CPQ: variants seen among roughly 807,000 people sequenced by gnomAD.
CPQ encodes the protein carboxypeptidase Q.
CPQ carries 37 observed loss-of-function variants against 45.7 expected under a neutral mutation model. The observed-to-expected ratio is 0.81, with a 90% CI of 0.62 to 1.07. CPQ has a LOEUF of 1.07. Ranked by LOEUF, CPQ falls within the 50% of genes least tolerant of loss-of-function variation. The pLI, the probability that CPQ is intolerant of heterozygous loss-of-function variation, is 0.00. For missense variants in CPQ, 537 were observed against 572.9 expected (o/e 0.94, Z 0.64); for synonymous variants, 186 against 205.8 (o/e 0.90, Z 0.82).
chr8:97,051,804 A>G (rs571450866), intron 6 of CPQ, among the ~76,000 whole-genome samples: 2 of 152,346 alleles, frequency 1.3e-5, no homozygotes, highest in South Asian at 4.1e-4. Context: ...ATCAAATGGC[A>G]TTGGCACTTG....
intron 4 of CPQ, among the ~76,000 whole-genome samples, chr8:96,928,970 A>G (rs1372708855): frequency 6.6e-6 from 1 of 152,200 alleles, no homozygotes; most frequent in East Asian, 1.9e-4. Flanking sequence ...ATTGTAAACT[A>G]TTTAAAACCT....
chr8:96,757,281 G>A (rs1382885180), intron 1 of CPQ, among the ~76,000 whole-genome samples: 2 of 151,462 alleles, frequency 1.3e-5, no homozygotes, highest in Non-Finnish European at 2.9e-5. Flanking sequence ...AACCTGGGAG[G>A]CAGAGGTTGC....
intron 6 of CPQ, among the ~76,000 whole-genome samples, chr8:97,040,793 A>T (rs1158577516): frequency 4.6e-5 from 7 of 152,208 alleles, no homozygotes; most frequent in African/African-American, 1.2e-4. Context: ...CAGATAGTTG[A>T]AGATACGTGG....
At chr8:96,761,198 A>G (rs1372042525) in intron 1 of CPQ, 1 of 152,194 alleles carries the variant, frequency 6.6e-6, no homozygotes, top group East Asian at 1.9e-4. Context: ...TTGAGCACAA[A>G]CGGCTGTGCT....
chr8:96,920,548 G>C (rs1457169801), intron 4 of CPQ, among the ~76,000 whole-genome samples: 1 of 152,024 alleles, frequency 6.6e-6, no homozygotes, highest in African/African-American at 2.4e-5. Context: ...TTATATTAAA[G>C]CTCATTTAAT....
chr8:96,703,232 AT>A (rs962398186), intron 1 of CPQ, among the ~76,000 whole-genome samples: 65 of 151,852 alleles, frequency 4.3e-4, no homozygotes, highest in African/African-American at 1.4e-3. Context: ...ACTTTGCCAT[AT>A]TTTTTTTGGC....
intron 5 of CPQ, among the ~76,000 whole-genome samples, chr8:97,019,463 A>G (rs997802579): frequency 4.6e-5 from 7 of 152,176 alleles, no homozygotes; most frequent in African/African-American, 1.7e-4. Flanking sequence ...TTCACCAACC[A>G]TCTGCTGCCT....
intron 1 of CPQ, among the ~76,000 whole-genome samples, chr8:96,777,569 G>A (rs766229644): frequency 6.6e-6 from 1 of 151,018 alleles, no homozygotes; most frequent in African/African-American, 2.4e-5. Flanking sequence ...TTACCTATAC[G>A]GTTATTCCCT....
chr8:97,043,944 A>G (rs1398484765), intron 6 of CPQ, among the ~76,000 whole-genome samples: 1 of 152,134 alleles, frequency 6.6e-6, no homozygotes, highest in Non-Finnish European at 1.5e-5. Flanking sequence ...ACTTTGGTGA[A>G]TTTGACAATT....
Position 97,130,441 on chromosome 8 carries a change from T to C in CPQ, c.1256-12579T>C, listed in dbSNP as rs140004571. On this transcript the variant is annotated intron_variant, in intron 7 of 7. Coordinates refer to ENST00000220763, the MANE Select transcript of CPQ (RefSeq NM_016134.4). ...AGCTGTTTTTTTTTTTTTTTTTTTT[T>C]TCCACAAAAATGTGTAAATTGCAGT... Among the ~76,000 whole-genome samples the C allele has an allele frequency of 5.3e-3, 442 of 83,280 alleles. 5 individuals are homozygous for C. The highest frequency in any genetic ancestry group is 0.011 in the Middle Eastern group (2 of 184). The allele number at this position is 83,280 out of a possible 152,430, so 54.6% of individuals were successfully genotyped here. A position where few individuals can be genotyped will look rare whatever the true frequency, so the allele number is the denominator to read the frequency against.
intron 4 of CPQ, among the ~76,000 whole-genome samples, chr8:96,946,079 C>T (rs527520767): frequency 2.6e-5 from 4 of 152,306 alleles, no homozygotes; most frequent in Admixed American, 2.6e-4. Flanking sequence ...TTCCAATTAA[C>T]TTTGTGAAAA....
At chr8:97,023,016 T>TATACATTATATATATACTATATAC in intron 5 of CPQ, among the ~76,000 whole-genome samples, 1 of 133,656 alleles carries the variant, frequency 7.5e-6, no homozygotes, top group Admixed American at 7.6e-5. Flanking sequence ...ATACTATATA[T>TATACATTATATATATACTATATAC]AGTATATATA....
intron 4 of CPQ, among the ~76,000 whole-genome samples, chr8:96,939,448 G>A (rs1379400725): frequency 1.3e-5 from 2 of 152,050 alleles, no homozygotes; most frequent in Admixed American, 6.6e-5. Flanking sequence ...CCCTCACCCC[G>A]CCAATGCTAG....
intron 4 of CPQ, among the ~76,000 whole-genome samples, chr8:96,941,415 T>G (rs890935020): frequency 6.6e-6 from 1 of 152,184 alleles, no homozygotes; most frequent in Non-Finnish European, 1.5e-5. Context: ...TTGTCCTGAC[T>G]GGCTTGCATG....
intron 4 of CPQ, among the ~76,000 whole-genome samples, chr8:96,929,312 G>A (rs1166509495): frequency 1.3e-5 from 2 of 152,190 alleles, no homozygotes; most frequent in Non-Finnish European, 2.9e-5. Context: ...GTGACCAATT[G>A]TATTGGTGAG....
intron 4 of CPQ, among the ~76,000 whole-genome samples, chr8:96,896,366 A>C (rs1812442920): frequency 6.6e-6 from 1 of 152,084 alleles, no homozygotes; most frequent in Non-Finnish European, 1.5e-5. Flanking sequence ...AATCTACAAG[A>C]TGATATACTG....
intron 1 of CPQ, among the ~76,000 whole-genome samples, chr8:96,771,028 T>A (rs1477299841): frequency 6.8e-6 from 1 of 148,062 alleles, no homozygotes; most frequent in Non-Finnish European, 1.5e-5. Context: ...AAGAGGAGGC[T>A]GGAGGCAGGG....
At chr8:96,691,465 G>A (rs1236160826) in intron 1 of CPQ, among the ~76,000 whole-genome samples, 3 of 151,952 alleles carry the variant, frequency 2.0e-5, no homozygotes, top group Non-Finnish European at 2.9e-5. Flanking sequence ...TATTTTGGGG[G>A]ACCATTACTC....
chr8:96,954,574 T>G (rs987347039), intron 4 of CPQ, among the ~76,000 whole-genome samples: 3 of 152,116 alleles, frequency 2.0e-5, no homozygotes, highest in Non-Finnish European at 4.4e-5. Flanking sequence ...GTTTTAAAAA[T>G]TACCTTGTCT....
Sources: gnomAD v4.1 joint callset for allele counts (sites outside exome capture counted in the v4.1 genomes callset) on GRCh38, gnomAD v4.1.1 for gene constraint, MANE v1.5 for transcripts, NCBI Gene and HGNC (gene_info 2026-07-23, HGNC 2026-07-21) for gene names.